PSMD11: variants seen among roughly 807,000 people sequenced by gnomAD.
The protein encoded by PSMD11 is proteasome 26S subunit, non-ATPase 11.
A neutral mutation model predicts 62.3 loss-of-function variants in PSMD11; 5 were observed. The ratio of observed to expected loss-of-function variants is 0.08; its 90% CI spans 0.04 to 0.17. The LOEUF (loss-of-function observed/expected upper bound fraction) is 0.17. PSMD11 is among the 10% of genes least tolerant of loss of function. PSMD11 has a pLI of 1.00. For synonymous variants in PSMD11, 191 were observed against 191.8 expected (o/e 1.00, Z 0.03); for missense variants, 310 against 512.9 (o/e 0.60, Z 3.82).
At chr17:32,478,050 G>A (rs985549586) in intron 9 of PSMD11, among the ~76,000 whole-genome samples, 5 of 152,184 alleles carry the variant, frequency 3.3e-5, no homozygotes, top group African/African-American at 7.2e-5. Context: ...CTTGATGTGC[G>A]TACTTGGACC....
intron 8 of PSMD11, chr17:32,476,658 C>T (rs923891624): frequency 2.6e-5 from 4 of 152,200 alleles, no homozygotes; most frequent in Non-Finnish European, 2.9e-5. Context: ...TGAGTGGAGA[C>T]TTAATAGCTT....
At chr17:32,477,635 T>C in intron 9 of PSMD11, 52 bp downstream of exon 9, 1 of 1,453,404 alleles carries the variant, frequency 6.9e-7, no homozygotes, top group East Asian at 2.3e-5. Context: ...GAGGGACGTT[T>C]AAGTACTTCA....
rs1908549393 is a variant in PSMD11, at chr17:32,482,951, A to ATT, written c.*2199_*2200insTT. ...TTGCAGAAAGAGCTTTGCTTCTATA[A>ATT]AGGACTTTAAAAAGTACTCCAAAGA... On this transcript the variant is annotated 3_prime_UTR_variant, in exon 14 of 14. Transcript: ENST00000261712. 6.6e-6 allele frequency: 1 copy of ATT among 152,220 alleles called. No individual in the cohort carries two copies. 9.4% of individuals were successfully genotyped at this position (152,220 alleles called of 1,614,324 possible).
chr17:32,457,197 A>G (rs1907677696), intron 3 of PSMD11, among the ~76,000 whole-genome samples: 1 of 152,166 alleles, frequency 6.6e-6, no homozygotes, highest in African/African-American at 2.4e-5. Flanking sequence ...TAGGCATTGT[A>G]TCATTTTATC....
intron 2 of PSMD11, among the ~76,000 whole-genome samples, chr17:32,450,630 T>C (rs547191983): frequency 1.5e-4 from 23 of 151,738 alleles, no homozygotes; most frequent in Non-Finnish European, 3.1e-4. Flanking sequence ...CCAGTAAGAA[T>C]AGGAGGAAGT....
Position 32,480,618 on chromosome 17 carries a change from A to C in PSMD11, c.1256A>C (p.Lys419Thr). Residue 419 changes from lysine to threonine, a missense_variant, in exon 13 of 14, where the codon AAG (lysine) becomes ACG (threonine). Around this residue, in one of 6 missense-constraint regions of PSMD11, gnomAD observed 135 missense variants for 195.4 expected, o/e 0.69. Coordinates refer to ENST00000261712, the MANE Select transcript of PSMD11 (RefSeq NM_002815.4). ...KVVDSLYNKAKKLT is the reference protein window; with the variant it reads ...KVVDSLYNKATKLT ...GTGGATTCCCTCTACAACAAAGCCA[A>C]GAAACTGACATAGGTGAGTGCTGGC... 6.2e-7 allele frequency: 1 copy of C among 1,614,206 alleles called. No homozygotes were observed. The highest frequency in any genetic ancestry group is 8.5e-7 in the Non-Finnish European group (1 of 1,180,034).
chr17:32,464,212 C>A, intron 4 of PSMD11, 92 bp downstream of exon 4: 1 of 1,198,382 alleles, frequency 8.3e-7, no homozygotes, highest in Non-Finnish European at 1.2e-6. Flanking sequence ...GTATCTTCAG[C>A]AACTTTGTAA....
At chr17:32,453,752 C>T (rs946342222) in intron 2 of PSMD11, among the ~76,000 whole-genome samples, 3 of 152,176 alleles carry the variant, frequency 2.0e-5, no homozygotes, top group African/African-American at 7.2e-5. Context: ...ACAAGCATAT[C>T]TCTAGTTTAT....
chr17:32,450,980 G>T (rs1907477620), intron 2 of PSMD11, among the ~76,000 whole-genome samples: 1 of 151,818 alleles, frequency 6.6e-6, no homozygotes, highest in Admixed American at 6.6e-5. Context: ...AAATTGACTG[G>T]GTGTGGTGGT....
rs566921679 is a variant in PSMD11 at position 32,464,663 on chromosome 17, A to G, written c.448+85A>G. ...GGCTACTCTTACTAATTACCTGTTA[A>G]TAATTTATATTCTACTGACTTCTAA... On this transcript the variant is annotated intron_variant, in intron 5 of 13. Coordinates refer to ENST00000261712, the MANE Select transcript of PSMD11 (RefSeq NM_002815.4). The G allele has an allele frequency of 1.9e-5, 19 of 1,018,124 alleles. No homozygotes were observed. In the East Asian group the frequency reaches 4.5e-4, roughly 24 times the overall value. The allele number at this position is 1,018,124 out of a possible 1,614,324, so 63.1% of individuals were successfully genotyped here.
intron 3 of PSMD11, among the ~76,000 whole-genome samples, chr17:32,456,350 C>T (rs1399458351): frequency 6.6e-6 from 1 of 151,928 alleles, no homozygotes; most frequent in Non-Finnish European, 1.5e-5. Flanking sequence ...TAACCTAGAG[C>T]TCACTCAGCG....
At chr17:32,477,607 T>C in intron 9 of PSMD11, 24 bp downstream of exon 9, 1 of 1,585,590 alleles carries the variant, frequency 6.3e-7, no homozygotes, top group Non-Finnish European at 8.7e-7. Context: ...TGGGTTGGTA[T>C]GGAATGTGAG....
intron 3 of PSMD11, among the ~76,000 whole-genome samples, chr17:32,461,871 A>G (rs1907855894): frequency 6.6e-6 from 1 of 152,114 alleles, no homozygotes; most frequent in Non-Finnish European, 1.5e-5. Context: ...GAAAATTTTT[A>G]TGAGGTCAGT....
At chr17:32,464,232 T>G in intron 4 of PSMD11, 112 bp downstream of exon 4, 1 of 1,010,532 alleles carries the variant, frequency 9.9e-7, no homozygotes, top group Non-Finnish European at 1.5e-6. Flanking sequence ...ATTACCTAGA[T>G]ACCGAAAGAT....
chr17:32,463,261 C>T, intron 3 of PSMD11: 1 of 152,198 alleles, frequency 6.6e-6, no homozygotes, highest in Non-Finnish European at 1.5e-5. Context: ...TACCTCACTA[C>T]TTAGGTGGCA....
At position 32,479,582 on chromosome 17, in the gene PSMD11, G is replaced by C. The variant is rs944709139; in HGVS notation, c.1038+206G>C. 1.8e-5 allele frequency: 14 copies of C among 764,832 alleles called. No individual in the cohort carries two copies. The South Asian group carries it at 2.6e-4, about 14-fold the overall frequency. 47.4% of individuals were successfully genotyped at this position (764,832 alleles called of 1,614,324 possible). A position where few individuals can be genotyped will look rare whatever the true frequency, so the allele number is the denominator to read the frequency against. On this transcript the variant is annotated intron_variant, in intron 10 of 13. Coordinates refer to ENST00000261712, the MANE Select transcript of PSMD11 (RefSeq NM_002815.4). The stretch of plus-strand genomic sequence containing the variant: ...AGAGGCATGTGGGTTGCCCCTGCAT[G>C]TGTTCTGAGCAGTTTCCTCCTCGCT...
At chr17:32,480,387 T>A (rs1250704607) in intron 12 of PSMD11, 102 bp from the exon 13 acceptor site, 22 of 1,497,718 alleles carry the variant, frequency 1.5e-5, no homozygotes, top group Non-Finnish European at 1.9e-5. Context: ...CTATTTCCCT[T>A]CTTTTCTGGA....
chr17:32,458,690 T>C (rs1907720978), intron 3 of PSMD11, among the ~76,000 whole-genome samples: 1 of 152,242 alleles, frequency 6.6e-6, no homozygotes. Flanking sequence ...TAACCATGGC[T>C]ACCTCTGACC....
At chr17:32,447,831 G>T (rs1907373669) in intron 2 of PSMD11, among the ~76,000 whole-genome samples, 1 of 151,712 alleles carries the variant, frequency 6.6e-6, no homozygotes, top group Admixed American at 6.6e-5. Flanking sequence ...AATGATGGGG[G>T]TTAGTTAGCA....
Sources: allele counts gnomAD v4.1 joint callset (sites outside exome capture counted in the v4.1 genomes callset), GRCh38; gene constraint gnomAD v4.1.1; regional missense constraint gnomAD v4.1.1; transcripts MANE v1.5; gene names NCBI Gene and HGNC (gene_info 2026-07-23, HGNC 2026-07-21).